The following MRTFA variants were observed in gnomAD, a reference collection of about 807,000 sequenced individuals.
MRTFA encodes the protein myocardin-related transcription factor A.
Under a neutral mutation model 83.5 loss-of-function variants are expected in MRTFA, and 20 were observed. The ratio of observed to expected loss-of-function variants is 0.24; its 90% CI spans 0.17 to 0.35. MRTFA has a LOEUF of 0.35. Ranked by LOEUF, MRTFA falls within the 10% of genes least tolerant of loss-of-function variation. MRTFA has a pLI of 1.00. For missense variants in MRTFA, 1,200 were observed against 1,224.7 expected (o/e 0.98, Z 0.30); for synonymous variants, 659 against 541.2 (o/e 1.22, Z -3.02).
chr22:40,454,777 G>A (rs1002665485), intron 4 of MRTFA, among the ~76,000 whole-genome samples: 14 of 152,072 alleles, frequency 9.2e-5, no homozygotes, highest in African/African-American at 3.4e-4. Flanking sequence ...TCTTTTGTTC[G>A]TATGCATGTA....
In MRTFA at chr22:40,411,405, C is replaced by A; in HGVS notation, c.3081G>T (p.Trp1027Cys). ...AGCCAGAGAGCTACAAGCAGGAATC[C>A]CAGTGCAGCTGCAAATCATGGCCAT... Residue 1027 changes from tryptophan (W) to cysteine (C), a missense_variant, in exon 15 of 15, where the codon TGG becomes TGT. Transcript: ENST00000355630. The A allele has an allele frequency of 2.6e-6, 4 of 1,561,404 alleles. No homozygotes were observed. The highest frequency in any genetic ancestry group is 3.5e-6 in the Non-Finnish European group (4 of 1,145,444).
intron 1 of MRTFA, among the ~76,000 whole-genome samples, chr22:40,635,109 ACATAAAG>A (rs1407970443): frequency 6.6e-6 from 1 of 152,240 alleles, no homozygotes; most frequent in Non-Finnish European, 1.5e-5. Flanking sequence ...AGAAACAGTA[ACATAAAG>A]CCCTTTGGTT....
At chr22:40,587,198 G>T in intron 2 of MRTFA, 1 of 461,344 alleles carries the variant, frequency 2.2e-6, no homozygotes, top group Non-Finnish European at 4.4e-6. Flanking sequence ...TTACTCTTGA[G>T]GAAACAGCTT....
At chr22:40,501,979 G>A (rs1201327051) in intron 3 of MRTFA, among the ~76,000 whole-genome samples, 1 of 129,816 alleles carries the variant, frequency 7.7e-6, no homozygotes, top group African/African-American at 3.1e-5. Flanking sequence ...GCCGGGCGGG[G>A]GGCTGACCCC....
chr22:40,451,544 T>G (rs183060077), intron 4 of MRTFA, among the ~76,000 whole-genome samples: 1 of 152,306 alleles, frequency 6.6e-6, no homozygotes, highest in Admixed American at 6.5e-5. Flanking sequence ...CTCAATCTTT[T>G]CCTTCCCAAG....
chr22:40,461,970 G>A (rs990247253), intron 4 of MRTFA, among the ~76,000 whole-genome samples: 3 of 152,142 alleles, frequency 2.0e-5, no homozygotes, highest in Non-Finnish European at 4.4e-5. Context: ...CTTCTGGCCT[G>A]CACCAGGCCC....
chr22:40,624,035 T>C (rs1282689077), intron 1 of MRTFA, among the ~76,000 whole-genome samples: 1 of 152,004 alleles, frequency 6.6e-6, no homozygotes, highest in Non-Finnish European at 1.5e-5. Context: ...GCCCAGGACA[T>C]AAAGGCTGTA....
At chr22:40,437,192 C>A (rs141506238) in intron 4 of MRTFA, among the ~76,000 whole-genome samples, 3 of 152,268 alleles carry the variant, frequency 2.0e-5, no homozygotes, top group African/African-American at 7.2e-5. Flanking sequence ...CCACTTCTTA[C>A]ATGGGCAGGT....
At chr22:40,585,361 G>A (rs192851366) in intron 2 of MRTFA, among the ~76,000 whole-genome samples, 37 of 152,268 alleles carry the variant, frequency 2.4e-4, no homozygotes, top group African/African-American at 8.4e-4. Flanking sequence ...ACCTAGAGAG[G>A]TCAAAATCAT....
chr22:40,415,916 T>G (rs1480535430), intron 14 of MRTFA, among the ~76,000 whole-genome samples: 1 of 152,052 alleles, frequency 6.6e-6, no homozygotes, highest in Non-Finnish European at 1.5e-5. Flanking sequence ...CCCCCAAGGC[T>G]GGGCTTAGCC....
chr22:40,561,037 G>GT (rs1245383375), intron 2 of MRTFA, among the ~76,000 whole-genome samples: 1 of 152,130 alleles, frequency 6.6e-6, no homozygotes, highest in African/African-American at 2.4e-5. Context: ...TAAAAAAACT[G>GT]TTTTCAATCA....
intron 1 of MRTFA, among the ~76,000 whole-genome samples, chr22:40,617,213 G>A (rs1436385315): frequency 8.9e-5 from 11 of 123,358 alleles, no homozygotes; most frequent in African/African-American, 3.3e-4. Context: ...AGGGAGGGAG[G>A]GAGGGAGGGC....
chr22:40,448,987 C>T (rs1412352584), intron 4 of MRTFA, among the ~76,000 whole-genome samples: 2 of 152,074 alleles, frequency 1.3e-5, no homozygotes, highest in Non-Finnish European at 1.5e-5. Context: ...AACTCTCAGC[C>T]GGGCGCAGTG....
intron 4 of MRTFA, among the ~76,000 whole-genome samples, chr22:40,460,026 T>G (rs899899802): frequency 2.6e-5 from 4 of 151,658 alleles, no homozygotes; most frequent in Admixed American, 1.3e-4. Context: ...TGCTGCAGCC[T>G]CCGCCTCCCA....
chr22:40,584,749 A>G (rs2147366028), intron 2 of MRTFA, among the ~76,000 whole-genome samples: 1 of 150,916 alleles, frequency 6.6e-6, no homozygotes, highest in African/African-American at 2.4e-5. Flanking sequence ...AAAAAAAAAA[A>G]GCCAAGTCTC....
intron 4 of MRTFA, among the ~76,000 whole-genome samples, chr22:40,459,822 CATATATACATATATATATAT>C (rs1175827877): frequency 1.5e-5 from 1 of 68,266 alleles, no homozygotes; most frequent in Non-Finnish European, 2.8e-5. Context: ...CACACACACA[CATATATACATATATATATAT>C]ATATATATAT....
intron 3 of MRTFA, among the ~76,000 whole-genome samples, chr22:40,470,282 A>AT (rs2053886396): frequency 3.2e-4 from 25 of 79,098 alleles, no homozygotes; most frequent in African/African-American, 5.9e-4. Context: ...TATATATATA[A>AT]AGAAACATAA....
intron 3 of MRTFA, among the ~76,000 whole-genome samples, chr22:40,507,780 T>C (rs781726901): frequency 6.6e-6 from 1 of 151,836 alleles, no homozygotes; most frequent in Non-Finnish European, 1.5e-5. Flanking sequence ...CTGACCAACA[T>C]GGCGAAACCC....
chr22:40,464,531 A>G (rs1195943003), intron 3 of MRTFA, among the ~76,000 whole-genome samples: 4 of 151,896 alleles, frequency 2.6e-5, no homozygotes, highest in African/African-American at 4.8e-5. Context: ...AAAGAAAAAA[A>G]AGAAAATGTT....
Sources: allele counts gnomAD v4.1 joint callset (sites outside exome capture counted in the v4.1 genomes callset), GRCh38; gene constraint gnomAD v4.1.1; transcripts MANE v1.5; gene names NCBI Gene and HGNC (gene_info 2026-07-23, HGNC 2026-07-21).